Variants in USP32 observed in about 807,000 individuals in gnomAD.
USP32 encodes the protein ubiquitin specific peptidase 32, also known as ubiquitin carboxyl-terminal hydrolase 32.
Under a neutral mutation model 204.8 loss-of-function variants are expected in USP32, and 59 were observed. The observed-to-expected ratio is 0.29, with a 90% CI of 0.23 to 0.36. USP32 has a LOEUF of 0.36. USP32 is among the 10% of genes least tolerant of loss of function. USP32 has a pLI of 1.00. For synonymous variants in USP32, 517 were observed against 678.4 expected, an observed-to-expected ratio of 0.76 and a Z score of 3.70; for missense variants, 1,160 against 1,946.4, an observed-to-expected ratio of 0.60 and a Z score of 7.60.
rs1025733069 is a variant in USP32, at chr17:60,228,634, G to A, written c.1240-2403C>T. Among the ~76,000 whole-genome samples the A allele has an allele frequency of 4.4e-4, 67 of 150,814 alleles. 1 individual carries two copies. Among genetic ancestry groups the A allele is most frequent in the African/African-American group, 1.5e-3 (63 of 41,042 alleles). ...AGAGTTGGAGACCAGCCCGAGCAAC[G>A]TGGATAGATCCCGTCTTTACAAAAA... On this transcript the variant is annotated intron_variant, in intron 12 of 33. Transcript: ENST00000300896.
At chr17:60,338,573 C>T (rs908718591) in intron 2 of USP32, among the ~76,000 whole-genome samples, 1 of 151,832 alleles carries the variant, frequency 6.6e-6, no homozygotes, top group African/African-American at 2.4e-5. Context: ...CTACAAAAAA[C>T]ACAAAAATTA....
At chr17:60,228,366 C>CA (rs1444269562) in intron 12 of USP32, among the ~76,000 whole-genome samples, 1 of 151,730 alleles carries the variant, frequency 6.6e-6, no homozygotes, top group East Asian at 1.9e-4. Context: ...TGATCTATGT[C>CA]AAAAAAGAAG....
intron 2 of USP32, among the ~76,000 whole-genome samples, chr17:60,316,812 G>C (rs1358356454): frequency 6.6e-6 from 1 of 152,164 alleles, no homozygotes; most frequent in Non-Finnish European, 1.5e-5. Flanking sequence ...TTGCACTCCA[G>C]CCTGGGCAAA....
intron 9 of USP32, among the ~76,000 whole-genome samples, chr17:60,264,604 C>T (rs1193271875): frequency 2.0e-5 from 3 of 151,858 alleles, no homozygotes; most frequent in African/African-American, 7.3e-5. Flanking sequence ...CGCCTATAAT[C>T]CCAGCACTTT....
chr17:60,285,358 A>G (rs894157036), intron 5 of USP32, among the ~76,000 whole-genome samples: 7 of 152,244 alleles, frequency 4.6e-5, no homozygotes, highest in Non-Finnish European at 1.0e-4. Flanking sequence ...CTGCCCATTC[A>G]TGCCAGAACT....
intron 11 of USP32, among the ~76,000 whole-genome samples, chr17:60,250,102 A>G (rs1020768216): frequency 3.9e-5 from 6 of 152,196 alleles, no homozygotes; most frequent in Non-Finnish European, 7.4e-5. Flanking sequence ...ACAAAATACA[A>G]AAGGCAAATT....
intron 1 of USP32, among the ~76,000 whole-genome samples, chr17:60,359,511 A>C (rs2089157171): frequency 6.6e-6 from 1 of 152,226 alleles, no homozygotes; most frequent in South Asian, 2.1e-4. Context: ...GTAAGAACTC[A>C]GAAAAAATGT....
At position 60,271,444 on chromosome 17, in the gene USP32, A is replaced by G. The variant is rs2145789073; in HGVS notation, c.609T>C (p.Tyr203=). 1 of 1,614,174 alleles carries G rather than the reference A, an allele frequency of 6.2e-7. No individual in the cohort carries two copies. Among genetic ancestry groups the G allele is most frequent in the Non-Finnish European group, 8.5e-7 (1 of 1,180,014 alleles). The change falls in exon 6 of 34, where the codon TAT becomes TAC. Residue 203 remains tyrosine, a synonymous_variant. Coordinates refer to ENST00000300896, the MANE Select transcript of USP32 (RefSeq NM_032582.4). ...ESDIIDLEKR[Y]WLLKAQSRTG... Reference sequence around the variant, plus strand: ...TCCGGGATTGAGCCTTCAATAACCAATAGCGTTTCTCAAGATCAATGATGT... The same window carrying G: ...TCCGGGATTGAGCCTTCAATAACCAGTAGCGTTTCTCAAGATCAATGATGT...
chr17:60,214,513 G>T, intron 17 of USP32, 107 bp downstream of exon 17: 1 of 865,340 alleles, frequency 1.2e-6, no homozygotes, highest in Non-Finnish European at 1.8e-6. Flanking sequence ...GGCAACATAT[G>T]TACTAAAATT....
At chr17:60,295,504 T>C (rs1310337138) in intron 3 of USP32, among the ~76,000 whole-genome samples, 5 of 152,188 alleles carry the variant, frequency 3.3e-5, no homozygotes, top group African/African-American at 9.7e-5. Flanking sequence ...AAATGAACAA[T>C]TCATAAACTT....
Position 60,288,569 on chromosome 17 carries a change from A to G in USP32, c.525T>C (p.Asp175=), listed in dbSNP as rs1348033740. 6.2e-7 allele frequency: 1 copy of G among 1,612,760 alleles called. No homozygotes were observed. Among genetic ancestry groups the G allele is most frequent in the Admixed American group, 1.7e-5 (1 of 59,594 alleles). The change falls in exon 5 of 34, where the codon GAT becomes GAC. Residue 175 remains aspartate, a synonymous_variant. Transcript: ENST00000300896. ...TTTGGTAGAAAGTAGGAGTATCACT[A>G]TCATCAGTGAGGGTAACATACACAC... is the stretch of plus-strand genomic sequence containing the variant. ...SGGVYVTLTD[D]SDTPTFYQTL... is the part of the protein sequence containing the mutation.
intron 11 of USP32, among the ~76,000 whole-genome samples, chr17:60,246,409 A>ATTT (rs1413520862): frequency 4.8e-5 from 7 of 145,798 alleles, no homozygotes; most frequent in African/African-American, 1.9e-4. Flanking sequence ...GTATATATAT[A>ATTT]TATATTTTTT....
intron 9 of USP32, among the ~76,000 whole-genome samples, chr17:60,257,490 AT>A (rs1226015110): frequency 1.3e-5 from 2 of 152,014 alleles, no homozygotes; most frequent in African/African-American, 4.8e-5. Context: ...TATTTATTTT[AT>A]TTTGTTTTCT....
intron 1 of USP32, among the ~76,000 whole-genome samples, chr17:60,368,214 T>TA (rs1211424771): frequency 2.0e-5 from 3 of 152,144 alleles, no homozygotes; most frequent in African/African-American, 7.2e-5. Context: ...GAAAGAGAAA[T>TA]ACAGTATTTA....
At chr17:60,362,012 C>A (rs1318317894) in intron 1 of USP32, among the ~76,000 whole-genome samples, 1 of 152,126 alleles carries the variant, frequency 6.6e-6, no homozygotes, top group Non-Finnish European at 1.5e-5. Flanking sequence ...TTGTTCTTGG[C>A]TTTACCACAA....
intron 3 of USP32, among the ~76,000 whole-genome samples, chr17:60,298,816 C>T (rs1252277860): frequency 6.6e-6 from 1 of 152,122 alleles, no homozygotes; most frequent in Non-Finnish European, 1.5e-5. Context: ...GGCATATACA[C>T]GTGTCAAAAC....
chr17:60,338,273 C>T (rs1330892147), intron 2 of USP32, among the ~76,000 whole-genome samples: 1 of 147,792 alleles, frequency 6.8e-6, no homozygotes, highest in Non-Finnish European at 1.5e-5. Context: ...CGCAGTGAGC[C>T]AAGATTGCGC....
At chr17:60,256,435 T>C (rs1330426522) in intron 9 of USP32, among the ~76,000 whole-genome samples, 1 of 152,140 alleles carries the variant, frequency 6.6e-6, no homozygotes, top group African/African-American at 2.4e-5. Context: ...AGGTTTTTGT[T>C]TTTTTTCCAC....
chr17:60,331,134 G>T (rs532604505), intron 2 of USP32, among the ~76,000 whole-genome samples: 1 of 152,300 alleles, frequency 6.6e-6, no homozygotes, highest in Non-Finnish European at 1.5e-5. Flanking sequence ...GGAAATGATA[G>T]TTCTGTCCAA....
Sources: allele counts gnomAD v4.1 joint callset (sites outside exome capture counted in the v4.1 genomes callset), GRCh38; gene constraint gnomAD v4.1.1; transcripts MANE v1.5; gene names NCBI Gene and HGNC (gene_info 2026-07-23, HGNC 2026-07-21).